The following LASP1 variants were observed in gnomAD, a reference collection of about 807,000 sequenced individuals.
LASP1 encodes the protein LIM and SH3 domain protein 1.
A neutral mutation model predicts 38.6 loss-of-function variants in LASP1; 10 were observed. The ratio of observed to expected loss-of-function variants is 0.26; its 90% confidence interval spans 0.16 to 0.44. The LOEUF (loss-of-function observed/expected upper bound fraction) is 0.44, where lower values mean the gene tolerates loss of function less well. LASP1 is among the 20% of genes least tolerant of loss of function. LASP1 has a pLI of 1.00. For synonymous variants in LASP1, 132 were observed against 140.8 expected, an observed-to-expected ratio of 0.94 and a Z score of 0.44; for missense variants, 243 against 375.7, an observed-to-expected ratio of 0.65 and a Z score of 2.92.
chr17:38,874,887 G>GC (rs1913716207), intron 1 of LASP1, among the ~76,000 whole-genome samples: 1 of 152,068 alleles, frequency 6.6e-6, no homozygotes, highest in African/African-American at 2.4e-5. Flanking sequence ...TCCAGTGTTG[G>GC]CCCTGTGCCC....
At chr17:38,898,038 G>A (rs1263301526) in intron 3 of LASP1, among the ~76,000 whole-genome samples, 3 of 152,330 alleles carry the variant, frequency 2.0e-5, no homozygotes, top group South Asian at 2.1e-4. Flanking sequence ...TGGTAGTGCC[G>A]GACATTGACT....
In LASP1 at chr17:38,918,941, A is replaced by T; in HGVS notation, c.*163A>T. 1 of 759,356 alleles carries T rather than the reference A, an allele frequency of 1.3e-6. No homozygotes were observed. Among genetic ancestry groups the T allele is most frequent in the Non-Finnish European group, 2.1e-6 (1 of 477,278 alleles). 47.0% of individuals were successfully genotyped at this position (759,356 alleles called of 1,614,324 possible). On this transcript the variant is annotated 3_prime_UTR_variant, in exon 7 of 7. Transcript: ENST00000318008. This position sits in a 1 kb window ranked among gnomAD's most constrained non-coding sequence, Gnocchi z 4.4. Reference sequence around the variant, plus strand: ...TTGCCAACTGAAGCCTTCTTCTGCCACTTCTGCGGGCTCCCTCCTCTGGCA... The same window carrying T: ...TTGCCAACTGAAGCCTTCTTCTGCCTCTTCTGCGGGCTCCCTCCTCTGGCA...
At chr17:38,886,133 T>TCTCTCTCTCTCTCA (rs1567697388) in intron 2 of LASP1, among the ~76,000 whole-genome samples, 1 of 151,078 alleles carries the variant, frequency 6.6e-6, no homozygotes, top group Non-Finnish European at 1.5e-5. Flanking sequence ...ACTCTCACTC[T>TCTCTCTCTCTCTCA]CTCTCTCTCT....
intron 4 of LASP1, among the ~76,000 whole-genome samples, chr17:38,901,889 G>A (rs1404821204): frequency 6.6e-6 from 1 of 151,686 alleles, no homozygotes; most frequent in African/African-American, 2.4e-5. Flanking sequence ...CCTCAGCCTC[G>A]TGAGTAGCTG....
At chr17:38,888,321 C>T (rs1183942689) in intron 2 of LASP1, among the ~76,000 whole-genome samples, 1 of 152,040 alleles carries the variant, frequency 6.6e-6, no homozygotes, top group East Asian at 1.9e-4. Context: ...TGCTCTCGCC[C>T]AGACTAGAGT....
chr17:38,916,835 C>G (rs1242492537), intron 6 of LASP1: 1 of 151,780 alleles, frequency 6.6e-6, no homozygotes, highest in Non-Finnish European at 1.5e-5. Context: ...GCACTCCAGC[C>G]TGGGCAGCAA....
intron 2 of LASP1, among the ~76,000 whole-genome samples, chr17:38,886,350 A>G (rs1203187143): frequency 6.6e-6 from 1 of 152,092 alleles, no homozygotes; most frequent in Non-Finnish European, 1.5e-5. Context: ...CAAGAGGAAT[A>G]TAGCCCAAGC....
intron 1 of LASP1, among the ~76,000 whole-genome samples, chr17:38,875,440 C>G (rs1264676769): frequency 6.6e-6 from 1 of 152,024 alleles, no homozygotes; most frequent in African/African-American, 2.4e-5. Flanking sequence ...GGGTTATGCA[C>G]CAGAAGGAGT....
chr17:38,894,687 C>T (rs532101984), intron 3 of LASP1, among the ~76,000 whole-genome samples: 59 of 152,166 alleles, frequency 3.9e-4, no homozygotes, highest in African/African-American at 1.4e-3. Context: ...CTTCCAGCCC[C>T]GGCCCTTTCC....
intron 5 of LASP1, 119 bp from the exon 6 acceptor site, chr17:38,914,924 T>C: frequency 1.1e-6 from 1 of 872,410 alleles, no homozygotes; most frequent in East Asian, 2.4e-5. Context: ...CTTTGAGCTG[T>C]GGGGCTTGAG....
At chr17:38,880,205 T>TGACC (rs1297816046) in intron 2 of LASP1, among the ~76,000 whole-genome samples, 11 of 152,246 alleles carry the variant, frequency 7.2e-5, no homozygotes, top group African/African-American at 2.7e-4. Context: ...CGCAGAAGTC[T>TGACC]GACCGAGCCT....
chr17:38,870,599 G>C (rs1913571650), intron 1 of LASP1, among the ~76,000 whole-genome samples: 1 of 152,134 alleles, frequency 6.6e-6, no homozygotes, highest in African/African-American at 2.4e-5. Flanking sequence ...GGCCTGGAGA[G>C]TGAGAAGAGA....
intron 2 of LASP1, among the ~76,000 whole-genome samples, chr17:38,886,181 C>G (rs1296157657): frequency 6.6e-6 from 1 of 152,040 alleles, no homozygotes; most frequent in Non-Finnish European, 1.5e-5. Flanking sequence ...CACTCTCTCT[C>G]TCACTGTTGC....
intron 1 of LASP1, among the ~76,000 whole-genome samples, chr17:38,876,667 T>C (rs1913786931): frequency 6.6e-6 from 1 of 151,516 alleles, no homozygotes; most frequent in Admixed American, 6.6e-5. Context: ...CCCGGCTAGA[T>C]CTGTTCTCTT....
intron 4 of LASP1, among the ~76,000 whole-genome samples, chr17:38,912,261 G>A (rs1444826998): frequency 6.6e-6 from 1 of 152,244 alleles, no homozygotes; most frequent in Non-Finnish European, 1.5e-5. Context: ...TGGGGCTAGA[G>A]CAGCTGGATC....
intron 2 of LASP1, among the ~76,000 whole-genome samples, chr17:38,885,128 C>T (rs912791515): frequency 3.9e-5 from 6 of 152,182 alleles, no homozygotes; most frequent in African/African-American, 1.4e-4. Flanking sequence ...ACCTGCCAAG[C>T]ACATCTTTCC....
At chr17:38,891,763 A>C (rs911449751) in intron 3 of LASP1, among the ~76,000 whole-genome samples, 8 of 152,230 alleles carry the variant, frequency 5.3e-5, no homozygotes, top group African/African-American at 1.9e-4. Flanking sequence ...TCTCTACCTT[A>C]ATAATAAACA....
intron 2 of LASP1, 51 bp from the exon 3 acceptor site, chr17:38,890,369 C>A: frequency 6.5e-7 from 1 of 1,536,522 alleles, no homozygotes; most frequent in Non-Finnish European, 9.0e-7. Context: ...AGCCCAGAGG[C>A]TCCTGCCCCT....
intron 2 of LASP1, among the ~76,000 whole-genome samples, chr17:38,881,174 G>A (rs1237711229): frequency 2.0e-5 from 3 of 152,148 alleles, no homozygotes; most frequent in African/African-American, 7.2e-5. Context: ...GACCAAAGAG[G>A]ATTTATTGAG....
Sources: gnomAD v4.1 joint callset for allele counts (sites outside exome capture counted in the v4.1 genomes callset) on GRCh38, gnomAD v4.1.1 for gene constraint, Gnocchi (gnomAD v3.1) non-coding constraint, MANE v1.5 for transcripts, NCBI Gene and HGNC (gene_info 2026-07-23, HGNC 2026-07-21) for gene names.